COG5: variants seen among roughly 807,000 people sequenced by gnomAD.
COG5 encodes conserved oligomeric Golgi complex subunit 5.
Under a neutral mutation model 110.4 loss-of-function variants are expected in COG5, and 86 were observed. The ratio of observed to expected loss-of-function variants is 0.78; its 90% CI spans 0.65 to 0.93. The LOEUF is 0.93. Among genes scored for constraint, COG5 ranks in the 40% least tolerant of loss-of-function variants. The pLI is 0.00. For synonymous variants in COG5, 360 were observed against 334.6 expected (o/e 1.08, Z -0.83); for missense variants, 1,077 against 987.0 (o/e 1.09, Z -1.22).
chr7:107,391,861 G>T (rs1790646658), intron 7 of COG5, among the ~76,000 whole-genome samples: 1 of 152,176 alleles, frequency 6.6e-6, no homozygotes, highest in African/African-American at 2.4e-5. Flanking sequence ...GGAGGCCAAG[G>T]AGGGCAGATC....
rs114015192 is a variant in COG5, at chr7:107,320,521, A to G, written c.1108+3919T>C. ...TTTTTATCTAAACATCAGCAACACTAAGAGATCTCAAGATTCAGTAATCAG... is the reference window on the plus strand; with the variant it reads ...TTTTTATCTAAACATCAGCAACACTGAGAGATCTCAAGATTCAGTAATCAG... On this transcript the variant is annotated intron_variant, in intron 11 of 21. Coordinates refer to ENST00000297135, the MANE Select transcript of COG5 (RefSeq NM_006348.5). Among the ~76,000 whole-genome samples, 179 of 152,312 alleles carry G rather than the reference A, an allele frequency of 1.2e-3. 2 individuals are homozygous for G. The highest frequency in any genetic ancestry group is 4.1e-3 in the African/African-American group (170 of 41,568).
At chr7:107,557,955 G>A in intron 2 of COG5, 21 bp downstream of exon 2, 6 of 1,613,452 alleles carry the variant, frequency 3.7e-6, no homozygotes, top group Non-Finnish European at 5.1e-6. Flanking sequence ...AATCCATAGG[G>A]ACCCAGAAGA....
intron 5 of COG5, among the ~76,000 whole-genome samples, chr7:107,547,164 G>GA (rs1433713533): frequency 6.6e-6 from 1 of 152,092 alleles, no homozygotes; most frequent in Non-Finnish European, 1.5e-5. Flanking sequence ...CACATTAGAA[G>GA]AATCATTCAC....
chr7:107,267,101 T>C (rs1803863454), intron 14 of COG5, among the ~76,000 whole-genome samples: 1 of 152,180 alleles, frequency 6.6e-6, no homozygotes, highest in Non-Finnish European at 1.5e-5. Flanking sequence ...GTCTTGTTTA[T>C]GCATGAGAGA....
chr7:107,359,560 G>C (rs559963389), intron 10 of COG5, among the ~76,000 whole-genome samples: 64 of 152,318 alleles, frequency 4.2e-4, no homozygotes, highest in African/African-American at 1.3e-3. Flanking sequence ...CCTGGGGGCT[G>C]GACTGCCAGT....
chr7:107,285,366 C>T (rs1394392548), intron 12 of COG5, among the ~76,000 whole-genome samples: 2 of 152,164 alleles, frequency 1.3e-5, no homozygotes, highest in Non-Finnish European at 2.9e-5. Context: ...CCCACTTCTG[C>T]AGAAATTTTG....
chr7:107,239,965 C>T (rs1801487015), intron 17 of COG5, among the ~76,000 whole-genome samples: 1 of 152,206 alleles, frequency 6.6e-6, no homozygotes, highest in South Asian at 2.1e-4. Flanking sequence ...TGTGAGTGCT[C>T]TCCCTTCCAC....
At chr7:107,220,208 C>T (rs1799815307) in intron 19 of COG5, among the ~76,000 whole-genome samples, 2 of 152,190 alleles carry the variant, frequency 1.3e-5, no homozygotes, top group East Asian at 3.8e-4. Flanking sequence ...ACAAAGACCT[C>T]TAGAGAAAGC....
intron 21 of COG5, chr7:107,209,359 A>G (rs1798999064): frequency 3.2e-6 from 1 of 314,844 alleles, no homozygotes; most frequent in African/African-American, 2.3e-5. Flanking sequence ...GTATAAGAGA[A>G]TGAGAAGGTT....
At chr7:107,531,656 G>A (rs1406282002) in intron 5 of COG5, among the ~76,000 whole-genome samples, 1 of 139,204 alleles carries the variant, frequency 7.2e-6, no homozygotes, top group African/African-American at 2.7e-5. Flanking sequence ...GGAGGTGGGT[G>A]TTCTGGGGTT....
intron 7 of COG5, among the ~76,000 whole-genome samples, chr7:107,401,633 G>C (rs1791436670): frequency 6.6e-6 from 1 of 152,066 alleles, no homozygotes; most frequent in African/African-American, 2.4e-5. Flanking sequence ...AACAAGTTTT[G>C]AACAAGAGGG....
In COG5 at chr7:107,509,685, C is replaced by A. The variant is rs532577393; in HGVS notation, c.538+17552G>T. On this transcript the variant is annotated intron_variant, in intron 6 of 21. Transcript: ENST00000297135. ...TACCCACAAAGGGAAGCCCATCAGA[C>A]TAACAGCGGATCTCTCGGCAGAAAC... Among the ~76,000 whole-genome samples, 843 of 152,248 alleles carry A rather than the reference C, an allele frequency of 5.5e-3. 8 individuals are homozygous for A. The highest frequency in any genetic ancestry group is 0.019 in the African/African-American group (810 of 41,542).
At position 107,283,709 on chromosome 7, in the gene COG5, GA is replaced by G. The variant is rs1264117995; in HGVS notation, c.1336del (p.Ser446HisfsTer45). The G allele has an allele frequency of 6.2e-7, 1 of 1,613,988 alleles. No homozygotes were observed. Among genetic ancestry groups the G allele is most frequent in the South Asian group, 1.1e-5 (1 of 91,076 alleles). On this transcript the variant is annotated frameshift_variant, in exon 13 of 22. Transcript: ENST00000297135. LOFTEE classifies it high-confidence loss of function. ...ATAAGCAGCCTCATAGGGTTGTAGTGAGTCTTTCAAAGCCTTTTCTGGACTG... is the reference window on the plus strand; with the variant it reads ...ATAAGCAGCCTCATAGGGTTGTAGTGGTCTTTCAAAGCCTTTTCTGGACTG... Reference protein sequence around the residue: ...DYDPEKALKDSLQPYEAAYLS... With the variant: ...DYDPEKALKDXLQPYEAAYLS...
At chr7:107,513,995 A>G (rs903112990) in intron 6 of COG5, among the ~76,000 whole-genome samples, 3 of 152,072 alleles carry the variant, frequency 2.0e-5, no homozygotes, top group African/African-American at 7.2e-5. Flanking sequence ...ACATGTATAC[A>G]TATGTAACAA....
chr7:107,534,866 A>T (rs1441913399), intron 5 of COG5, among the ~76,000 whole-genome samples: 1 of 151,660 alleles, frequency 6.6e-6, no homozygotes, highest in African/African-American at 2.4e-5. Flanking sequence ...CAGAATATAC[A>T]TTCTTCTCAG....
At chr7:107,389,759 G>A (rs1790480036) in intron 7 of COG5, among the ~76,000 whole-genome samples, 1 of 152,076 alleles carries the variant, frequency 6.6e-6, no homozygotes, top group Admixed American at 6.6e-5. Context: ...GGGCCGATGG[G>A]GGGATGGGAT....
At chr7:107,346,710 T>G (rs891108594) in intron 10 of COG5, among the ~76,000 whole-genome samples, 2 of 152,118 alleles carry the variant, frequency 1.3e-5, no homozygotes, top group Non-Finnish European at 2.9e-5. Context: ...TTTCTTTTTT[T>G]TTATTATTAT....
At chr7:107,455,353 C>G (rs1285328918) in intron 6 of COG5, among the ~76,000 whole-genome samples, 2 of 151,968 alleles carry the variant, frequency 1.3e-5, no homozygotes, top group Non-Finnish European at 2.9e-5. Context: ...AATTGAAGGT[C>G]TAGATACACT....
At chr7:107,297,528 T>C (rs1002441315) in intron 12 of COG5, among the ~76,000 whole-genome samples, 2 of 142,668 alleles carry the variant, frequency 1.4e-5, no homozygotes, top group African/African-American at 5.2e-5. Context: ...AGCTCACTGC[T>C]GCCTCCGTCT....
Sources: allele counts gnomAD v4.1 joint callset (sites outside exome capture counted in the v4.1 genomes callset), GRCh38; gene constraint gnomAD v4.1.1; transcripts MANE v1.5; gene names NCBI Gene and HGNC (gene_info 2026-07-23, HGNC 2026-07-21).